MIAT: variants seen among roughly 807,000 people sequenced by gnomAD.
The protein encoded by MIAT is myocardial infarction associated transcript, also known as MI related novel mRNA.
downstream of MIAT, chr22:26,671,233 A>G: frequency 2.5e-6 from 1 of 398,688 alleles, no homozygotes; most frequent in Non-Finnish European, 4.4e-6. Flanking sequence ...ACCCACAGCC[A>G]ATAAATAGGG....
exon 5 of MIAT, chr22:26,675,752 A>G (rs1931238986): frequency 2.5e-6 from 1 of 398,660 alleles, no homozygotes; most frequent in African/African-American, 2.1e-5. Context: ...AGATAATTCC[A>G]TTGGGGAGGG....
chr22:26,667,361 C>T, intron 5 of MIAT: 1 of 383,214 alleles, frequency 2.6e-6, no homozygotes, highest in Non-Finnish European at 4.5e-6. Context: ...TGTGCGTGTG[C>T]ACATGTGTGT....
intron 2 of MIAT, among the ~76,000 whole-genome samples, chr22:26,662,665 G>A (rs549000250): frequency 4.6e-5 from 7 of 152,194 alleles, no homozygotes; most frequent in South Asian, 2.1e-4. Context: ...TGGAGCTTCC[G>A]TTATCTCTGG....
At position 26,666,384 on chromosome 22, in the gene MIAT, G is replaced by C. The variant is rs1930844970; in HGVS notation, n.1583G>C. ...GGAAAGGGCAGGGGAGAAGGAGGGG[G>C]AGCAGAAAAATAACTGAGGCTGGGC... On this transcript the variant is annotated non_coding_transcript_exon_variant, in exon 4 of 6. Coordinates refer to ENST00000643270, the Ensembl canonical transcript of MIAT. 3 of 398,588 alleles carry C rather than the reference G, an allele frequency of 7.5e-6. 1 individual carries two copies. In the South Asian group the frequency reaches 3.8e-4, roughly 51 times the overall value. 24.7% of individuals were successfully genotyped at this position (398,588 alleles called of 1,614,324 possible).
chr22:26,647,405 GAGAGAGAGAGAGAGAGAGAGAT>G (rs1930253997), intron 2 of MIAT: 3 of 363,726 alleles, frequency 8.2e-6, no homozygotes, highest in Admixed American at 4.7e-5. Flanking sequence ...GAGAGAGAGA[GAGAGAGAGAGAGAGAGAGAGAT>G]TGTGTACAAC....
At chr22:26,663,143 A>C (rs940276077) in intron 2 of MIAT, among the ~76,000 whole-genome samples, 3 of 152,214 alleles carry the variant, frequency 2.0e-5, no homozygotes, top group African/African-American at 4.8e-5. Flanking sequence ...ATTGGTTGAC[A>C]CTGGCCTGAT....
intron 2 of MIAT, chr22:26,657,751 G>A (rs1930514858): frequency 5.0e-6 from 2 of 398,180 alleles, no homozygotes; most frequent in South Asian, 2.7e-4. Context: ...TCGAGGGTAG[G>A]TCCCAGAGTC....
chr22:26,661,768 G>A (rs1009896970), intron 2 of MIAT, among the ~76,000 whole-genome samples: 7 of 151,410 alleles, frequency 4.6e-5, no homozygotes, highest in African/African-American at 1.5e-4. Context: ...GAAAGCAACC[G>A]GCATAAACTG....
At chr22:26,660,162 C>T (rs1930613358) in intron 2 of MIAT, among the ~76,000 whole-genome samples, 1 of 151,338 alleles carries the variant, frequency 6.6e-6, no homozygotes, top group African/African-American at 2.4e-5. Context: ...ATGTATTTCT[C>T]TCTGGTATAT....
chr22:26,671,796 G>T, downstream of MIAT: 1 of 398,114 alleles, frequency 2.5e-6, no homozygotes, highest in Non-Finnish European at 4.4e-6. Flanking sequence ...GAGGATTCCC[G>T]TCAATATAAG....
chr22:26,675,383 G>C (rs1931224231), exon 5 of MIAT: 1 of 398,584 alleles, frequency 2.5e-6, no homozygotes, highest in Non-Finnish European at 4.4e-6. Context: ...CTTAGGCCTT[G>C]GGGAGCGACG....
exon 4 of MIAT, chr22:26,666,668 C>A (rs879640558): frequency 7.5e-6 from 3 of 398,518 alleles, no homozygotes; most frequent in Admixed American, 8.8e-5. Flanking sequence ...AACCTGGGAA[C>A]CCTTCTCCCC....
chr22:26,648,312 A>G (rs1930274195), intron 2 of MIAT, among the ~76,000 whole-genome samples: 1 of 152,194 alleles, frequency 6.6e-6, no homozygotes. Flanking sequence ...TCTGGACACA[A>G]AAGGCCAGAC....
rs540620604 is a variant in MIAT, at chr22:26,654,684, C to A, written n.646+7373C>A. ...CTCCAGCCTGGGCAACAGGGCAAGACCTTGTCTCAAAACATTTATTTATTT... is the reference window on the plus strand; with the variant it reads ...CTCCAGCCTGGGCAACAGGGCAAGAACTTGTCTCAAAACATTTATTTATTT... On this transcript the variant is annotated intron_variant and non_coding_transcript_variant, in intron 2 of 5. Coordinates refer to ENST00000643270, the Ensembl canonical transcript of MIAT. 8.2e-4 allele frequency among the ~76,000 whole-genome samples: 125 copies of A among 152,190 alleles called. 1 individual carries two copies. The highest frequency in any genetic ancestry group is 3.4e-3 in the Middle Eastern group (1 of 294).
At chr22:26,667,456 G>T in intron 5 of MIAT, 1 of 394,314 alleles carries the variant, frequency 2.5e-6, no homozygotes, top group Non-Finnish European at 4.5e-6. Flanking sequence ...GTTGGGGGTG[G>T]TGGTGTGCAG....
In MIAT at chr22:26,646,551, G is replaced by A. The variant is rs566626684; in HGVS notation, n.100G>A. The A allele has an allele frequency of 2.8e-5, 11 of 398,762 alleles. No individual in the cohort carries two copies. The South Asian group carries it at 5.1e-4, about 18-fold the overall frequency. 24.7% of individuals were successfully genotyped at this position (398,762 alleles called of 1,614,324 possible). The stretch of plus-strand genomic sequence containing the variant: ...CAGGGTCAGGGAGAGGGCTCTATGC[G>A]GCCAGGATCTGGATGCAGATTGTTG... On this transcript the variant is annotated non_coding_transcript_exon_variant, in exon 1 of 6. Coordinates refer to ENST00000643270, the Ensembl canonical transcript of MIAT.
chr22:26,651,831 A>C (rs1283343674), intron 2 of MIAT, among the ~76,000 whole-genome samples: 1 of 152,250 alleles, frequency 6.6e-6, no homozygotes, highest in East Asian at 1.9e-4. Context: ...GAAACTGGGA[A>C]GTAACCGCTT....
intron 5 of MIAT, chr22:26,667,433 C>T (rs200989430): frequency 0.098 from 31,278 of 317,648 alleles, 1,386 homozygotes; most frequent in South Asian, 0.13. Flanking sequence ...TGTATGCGCG[C>T]GTGTGTGTGT....
chr22:26,655,458 A>G (rs546521408), intron 2 of MIAT, among the ~76,000 whole-genome samples: 7 of 152,298 alleles, frequency 4.6e-5, no homozygotes, highest in African/African-American at 1.4e-4. Context: ...TATTCACAGA[A>G]ATGTGACAAA....
Sources: allele counts gnomAD v4.1 joint callset (sites outside exome capture counted in the v4.1 genomes callset), GRCh38; gene constraint gnomAD v4.1.1; transcripts MANE v1.5; gene names NCBI Gene and HGNC (gene_info 2026-07-23, HGNC 2026-07-21).